PAM: variants seen among roughly 807,000 people sequenced by gnomAD.
The protein encoded by PAM is peptidyl-glycine alpha-amidating monooxygenase.
PAM carries 72 observed loss-of-function variants against 122.1 expected under a neutral mutation model. That is an observed-to-expected ratio of 0.59 (90% CI 0.49 to 0.72). The LOEUF is 0.72. Ranked by LOEUF, PAM falls within the 30% of genes least tolerant of loss-of-function variation. PAM has a pLI of 0.00. For missense variants in PAM, 1,106 were observed against 1,183.7 expected (o/e 0.93, Z 0.96); for synonymous variants, 389 against 404.4 (o/e 0.96, Z 0.46).
chr5:102,759,196 C>T (rs201176724), intron 1 of PAM, among the ~76,000 whole-genome samples: 1 of 151,674 alleles, frequency 6.6e-6, no homozygotes, highest in Non-Finnish European at 1.5e-5. Context: ...GATAGGATAG[C>T]AGGGTCCTGG....
At chr5:102,950,668 G>A (rs1758564406) in intron 11 of PAM, 49 bp from the exon 12 acceptor site, 4 of 1,124,694 alleles carry the variant, frequency 3.6e-6, no homozygotes, top group Non-Finnish European at 5.4e-6. Flanking sequence ...ATGTAGTTCT[G>A]GATTTTATTG....
intron 1 of PAM, among the ~76,000 whole-genome samples, chr5:102,807,064 G>A (rs1188559412): frequency 2.6e-5 from 4 of 152,132 alleles, no homozygotes. Flanking sequence ...CTTCATTTTT[G>A]ATTGTGATAT....
At chr5:102,891,763 A>G (rs1208493217) in intron 3 of PAM, among the ~76,000 whole-genome samples, 1 of 151,836 alleles carries the variant, frequency 6.6e-6, no homozygotes, top group Non-Finnish European at 1.5e-5. Context: ...CTCAGTGGAA[A>G]CTGCCTAGAT....
intron 15 of PAM, chr5:102,990,060 A>C (rs1773563829): frequency 5.9e-6 from 2 of 336,772 alleles, no homozygotes; most frequent in Non-Finnish European, 1.1e-5. Context: ...AGAAGAAAAC[A>C]GTCCTAATGC....
chr5:102,881,286 GAAAAGT>G (rs967022292), intron 3 of PAM, among the ~76,000 whole-genome samples: 2 of 151,656 alleles, frequency 1.3e-5, no homozygotes, highest in Non-Finnish European at 2.9e-5. Flanking sequence ...CAGCCCAAAA[GAAAAGT>G]AAATTAGGAA....
At chr5:102,772,444 A>G (rs1386407983) in intron 1 of PAM, among the ~76,000 whole-genome samples, 1 of 152,092 alleles carries the variant, frequency 6.6e-6, no homozygotes, top group Non-Finnish European at 1.5e-5. Context: ...CTCTACCAAC[A>G]CCAAGCTTGT....
intron 7 of PAM, among the ~76,000 whole-genome samples, chr5:102,933,086 C>T (rs984199528): frequency 1.3e-5 from 2 of 152,170 alleles, no homozygotes; most frequent in Admixed American, 6.5e-5. Context: ...CGTAATAATG[C>T]GAGCCAGTAC....
rs1320820848 is a variant in PAM, at chr5:102,865,914, C to A, written c.-282C>A. ...AAGGCACCCGCGCGTCTAGCCCCAG[C>A]GCCAGGGCACGCGAGCGGCGCTGGA... On this transcript the variant is annotated 5_prime_UTR_variant, in exon 2 of 26. Coordinates refer to ENST00000438793, the MANE Select transcript of PAM (RefSeq NM_001177306.2). The A allele has an allele frequency of 2.7e-6, 1 of 367,610 alleles. No homozygotes were observed. Among genetic ancestry groups the A allele is most frequent in the East Asian group, 4.9e-5 (1 of 20,328 alleles). The allele number at this position is 367,610 out of a possible 1,614,324, so 22.8% of individuals were successfully genotyped here.
intron 7 of PAM, among the ~76,000 whole-genome samples, chr5:102,929,714 T>A (rs1387279003): frequency 3.9e-5 from 6 of 152,168 alleles, no homozygotes; most frequent in African/African-American, 1.2e-4. Context: ...GTTGTGGGAA[T>A]GTGGTAGAGT....
intron 24 of PAM, among the ~76,000 whole-genome samples, chr5:103,027,219 A>AG (rs996528553): frequency 4.6e-5 from 7 of 152,210 alleles, no homozygotes; most frequent in African/African-American, 1.7e-4. Flanking sequence ...TGCTAGGCAC[A>AG]TGGGGATACA....
intron 1 of PAM, among the ~76,000 whole-genome samples, chr5:102,815,849 T>G (rs1769604051): frequency 6.6e-6 from 1 of 152,162 alleles, no homozygotes; most frequent in Admixed American, 6.6e-5. Context: ...AGTAACTGAT[T>G]TTTCTAGTCA....
intron 1 of PAM, among the ~76,000 whole-genome samples, chr5:102,773,205 T>C (rs183960694): frequency 5.3e-5 from 8 of 152,270 alleles, no homozygotes; most frequent in Non-Finnish European, 1.0e-4. Flanking sequence ...ATTTACATTT[T>C]GTTGTAATAA....
chr5:102,992,386 C>T (rs1367379849), intron 16 of PAM, among the ~76,000 whole-genome samples: 1 of 152,000 alleles, frequency 6.6e-6, no homozygotes, highest in Non-Finnish European at 1.5e-5. Context: ...CCTGGTATTG[C>T]CTGTTGCCCT....
At chr5:102,807,867 T>C (rs1380123399) in intron 1 of PAM, among the ~76,000 whole-genome samples, 3 of 152,198 alleles carry the variant, frequency 2.0e-5, no homozygotes, top group East Asian at 3.8e-4. Flanking sequence ...ATGATGCTAA[T>C]AGAATCATGT....
Position 103,028,942 on chromosome 5 carries a change from C to G in PAM, c.2799C>G (p.Tyr933Ter), listed in dbSNP as rs369667890. ...ATTTCTTTGCAAGCCGTAAGGGCTACAGTCGAAAAGGGTTTGACCGGCTTA... is the reference window on the plus strand; with the variant it reads ...ATTTCTTTGCAAGCCGTAAGGGCTAGAGTCGAAAAGGGTTTGACCGGCTTA... The part of the protein sequence containing the change: ...LGNFFASRKG[Y>*]SRKGFDRLST... The change falls in exon 26 of 26, where the codon TAC (tyrosine) becomes TAG (stop). Residue 933 changes from tyrosine to a stop codon, truncating the protein, a stop_gained. Coordinates refer to ENST00000438793, the MANE Select transcript of PAM (RefSeq NM_001177306.2). LOFTEE classifies it high-confidence loss of function. The G allele has an allele frequency of 5.1e-5, 83 of 1,613,442 alleles. No homozygotes were observed. The highest frequency in any genetic ancestry group is 6.8e-5 in the Non-Finnish European group (80 of 1,179,666).
rs781603943 is a variant in PAM, at chr5:103,017,448, GTAT to G, written c.2431+20_2431+22del. 1.4e-6 allele frequency: 2 copies of G among 1,460,566 alleles called. No individual in the cohort carries two copies. The highest frequency in any genetic ancestry group is 2.3e-5 in the South Asian group (2 of 86,108). 90.5% of individuals were successfully genotyped at this position (1,460,566 alleles called of 1,614,324 possible). On this transcript the variant is annotated intron_variant, in intron 22 of 25. Coordinates refer to ENST00000438793, the MANE Select transcript of PAM (RefSeq NM_001177306.2). ...CTTGACTGAGAGTATGGTTTTCACAGTATTATTGTTCACATTTTCCCTCAGTTT... is the reference window on the plus strand; with the variant it reads ...CTTGACTGAGAGTATGGTTTTCACAGTATTGTTCACATTTTCCCTCAGTTT...
chr5:102,854,047 C>T (rs1431090579), intron 1 of PAM, among the ~76,000 whole-genome samples: 4 of 152,166 alleles, frequency 2.6e-5, no homozygotes, highest in African/African-American at 7.2e-5. Flanking sequence ...GCCAAAGTTG[C>T]GGTTCAGTCC....
At chr5:102,838,381 A>G (rs1183441595) in intron 1 of PAM, 1 of 152,146 alleles carries the variant, frequency 6.6e-6, no homozygotes, top group Non-Finnish European at 1.5e-5. Flanking sequence ...CTTGAAGTCT[A>G]CTTTTATATT....
At chr5:102,953,702 T>G (rs1759744699) in intron 12 of PAM, among the ~76,000 whole-genome samples, 1 of 152,110 alleles carries the variant, frequency 6.6e-6, no homozygotes, top group Non-Finnish European at 1.5e-5. Context: ...GAGAGGAATG[T>G]CAAATATTTC....
Sources: allele counts gnomAD v4.1 joint callset (sites outside exome capture counted in the v4.1 genomes callset), GRCh38; gene constraint gnomAD v4.1.1; transcripts MANE v1.5; gene names NCBI Gene and HGNC (gene_info 2026-07-23, HGNC 2026-07-21).